COX7B2: variants seen among roughly 807,000 people sequenced by gnomAD.
COX7B2 encodes the protein cytochrome c oxidase subunit 7B2, also known as cytochrome c oxidase subunit 7B2, mitochondrial.
For synonymous variants in COX7B2, 37 were observed against 32.1 expected (o/e 1.15, Z -0.51); for missense variants, 109 against 95.9 (o/e 1.14, Z -0.57).
chr4:46,774,089 C>T (rs1450311368), intron 2 of COX7B2, among the ~76,000 whole-genome samples: 6 of 152,222 alleles, frequency 3.9e-5, no homozygotes, highest in Non-Finnish European at 4.4e-5. Flanking sequence ...TTATGCTTTC[C>T]GTGATTCTGT....
intron 2 of COX7B2, among the ~76,000 whole-genome samples, chr4:46,832,706 G>T (rs1297063939): frequency 6.6e-6 from 1 of 152,006 alleles, no homozygotes; most frequent in Non-Finnish European, 1.5e-5. Context: ...ATGATGAGAG[G>T]ATTCTTGTTC....
intron 2 of COX7B2, among the ~76,000 whole-genome samples, chr4:46,841,458 A>G (rs977343858): frequency 2.0e-5 from 3 of 151,646 alleles, no homozygotes; most frequent in African/African-American, 7.3e-5. Context: ...TCACTCATTC[A>G]TTGGTTCTGT....
At chr4:46,767,889 G>A (rs1716638633) in intron 2 of COX7B2, among the ~76,000 whole-genome samples, 1 of 152,216 alleles carries the variant, frequency 6.6e-6, no homozygotes, top group African/African-American at 2.4e-5. Flanking sequence ...CTTGACCCTT[G>A]AAGGTGTGGC....
chr4:46,796,296 C>T (rs1409660718), intron 2 of COX7B2, among the ~76,000 whole-genome samples: 1 of 148,812 alleles, frequency 6.7e-6, no homozygotes, highest in Non-Finnish European at 1.5e-5. Flanking sequence ...AAAGGGAATG[C>T]TTCCAGTTTT....
chr4:46,894,767 A>G (rs1196640014), intron 1 of COX7B2, among the ~76,000 whole-genome samples: 1 of 152,206 alleles, frequency 6.6e-6, no homozygotes, highest in Non-Finnish European at 1.5e-5. Flanking sequence ...CCCAGCATCT[A>G]TAAGGAACTT....
chr4:46,871,790 C>T (rs144743871), intron 1 of COX7B2, among the ~76,000 whole-genome samples: 61 of 152,070 alleles, frequency 4.0e-4, no homozygotes, highest in African/African-American at 1.4e-3. Context: ...ATACTTCCTT[C>T]CACCAGTCAA....
intron 1 of COX7B2, among the ~76,000 whole-genome samples, chr4:46,852,563 T>TACACACACAC (rs113148039): frequency 1.5e-4 from 22 of 145,788 alleles, no homozygotes; most frequent in African/African-American, 5.2e-4. Context: ...AATACACAAA[T>TACACACACAC]ACACACACAC....
At chr4:46,842,119 C>A (rs1289636551) in intron 2 of COX7B2, among the ~76,000 whole-genome samples, 5 of 152,020 alleles carry the variant, frequency 3.3e-5, no homozygotes, top group Non-Finnish European at 5.9e-5. Flanking sequence ...TATTTGTTGT[C>A]ACTGCTATTA....
At chr4:46,773,677 C>A (rs1410461667) in intron 2 of COX7B2, among the ~76,000 whole-genome samples, 1 of 152,020 alleles carries the variant, frequency 6.6e-6, no homozygotes, top group African/African-American at 2.4e-5. Flanking sequence ...TTGACTGTTG[C>A]CTTGCTGGAA....
At chr4:46,896,823 T>A (rs558635593) in intron 1 of COX7B2, among the ~76,000 whole-genome samples, 18 of 152,320 alleles carry the variant, frequency 1.2e-4, no homozygotes, top group African/African-American at 3.1e-4. Context: ...AGAAGGAGAA[T>A]GTGCTTTATC....
At chr4:46,837,871 C>G (rs1430431395) in intron 2 of COX7B2, among the ~76,000 whole-genome samples, 2 of 151,770 alleles carry the variant, frequency 1.3e-5, no homozygotes, top group East Asian at 3.9e-4. Context: ...AATAATTAAC[C>G]ATAGAACAAA....
chr4:46,799,029 C>G (rs542777229), intron 2 of COX7B2, among the ~76,000 whole-genome samples: 2 of 152,156 alleles, frequency 1.3e-5, no homozygotes, highest in South Asian at 4.1e-4. Flanking sequence ...GTATTGGGGC[C>G]TTTGCTAGAA....
intron 1 of COX7B2, among the ~76,000 whole-genome samples, chr4:46,873,592 T>A (rs1718140329): frequency 6.6e-6 from 1 of 152,342 alleles, no homozygotes; most frequent in Middle Eastern, 3.4e-3. Context: ...TTTTTTCATA[T>A]ATCTGTTGGA....
At chr4:46,803,438 T>C (rs1469175698) in intron 2 of COX7B2, among the ~76,000 whole-genome samples, 1 of 152,122 alleles carries the variant, frequency 6.6e-6, no homozygotes, top group African/African-American at 2.4e-5. Flanking sequence ...CTGCTCCCTG[T>C]CCAGTTACAA....
chr4:46,859,206 C>T (rs901782532), intron 1 of COX7B2, among the ~76,000 whole-genome samples: 1 of 152,144 alleles, frequency 6.6e-6, no homozygotes, highest in African/African-American at 2.4e-5. Context: ...TCATTTCCAC[C>T]TTTCCACCCA....
chr4:46,772,146 T>C (rs1007000387), intron 2 of COX7B2, among the ~76,000 whole-genome samples: 3 of 152,128 alleles, frequency 2.0e-5, no homozygotes, highest in African/African-American at 7.2e-5. Flanking sequence ...CATGGCAATA[T>C]GGATGAACCT....
chr4:46,741,391 A>G (rs548829677), intron 2 of COX7B2, among the ~76,000 whole-genome samples: 2 of 152,160 alleles, frequency 1.3e-5, no homozygotes, highest in East Asian at 3.9e-4. Flanking sequence ...AAATAACAGC[A>G]GTAGTATCCC....
Position 46,790,296 on chromosome 4 carries a change from G to A in COX7B2, c.-50+54664C>T, listed in dbSNP as rs113736795. Among the ~76,000 whole-genome samples, 800 of 152,278 alleles carry A rather than the reference G, an allele frequency of 5.3e-3. 9 individuals carry two copies. Among genetic ancestry groups the A allele is most frequent in the African/African-American group, 0.018 (763 of 41,558 alleles). ...ATGATTAACAGTTTGTATGCTAAATGTATTTGGTTTCATTTCATTTGAGAA... is the reference window on the plus strand; with the variant it reads ...ATGATTAACAGTTTGTATGCTAAATATATTTGGTTTCATTTCATTTGAGAA... On this transcript the variant is annotated intron_variant, in intron 2 of 2. Transcript: ENST00000355591.
intron 1 of COX7B2, among the ~76,000 whole-genome samples, chr4:46,858,699 C>T (rs1172682123): frequency 3.3e-5 from 5 of 151,268 alleles, no homozygotes; most frequent in Admixed American, 2.0e-4. Context: ...ATGAATGCTG[C>T]GTGTGTGTGT....
Sources: gnomAD v4.1 joint callset for allele counts (sites outside exome capture counted in the v4.1 genomes callset) on GRCh38, gnomAD v4.1.1 for gene constraint, MANE v1.5 for transcripts, NCBI Gene and HGNC (gene_info 2026-07-23, HGNC 2026-07-21) for gene names.